The following LDLRAD4 variants were observed in gnomAD, a reference collection of about 807,000 sequenced individuals.
The protein encoded by LDLRAD4 is low density lipoprotein receptor class A domain containing 4, also known as low-density lipoprotein receptor class A domain-containing protein 4.
A neutral mutation model predicts 17.0 loss-of-function variants in LDLRAD4; 5 were observed. The ratio of observed to expected loss-of-function variants is 0.29; its 90% CI spans 0.15 to 0.62. The LOEUF is 0.62. Ranked by LOEUF, LDLRAD4 falls within the 20% of genes least tolerant of loss-of-function variation. The pLI is 0.84. For missense variants in LDLRAD4, 340 were observed against 424.7 expected, an observed-to-expected ratio of 0.80 and a Z score of 1.75; for synonymous variants, 168 against 171.8, an observed-to-expected ratio of 0.98 and a Z score of 0.17.
At chr18:13,387,787 G>C in intron 2 of LDLRAD4, 25 bp downstream of exon 3, 1 of 1,610,104 alleles carries the variant, frequency 6.2e-7, no homozygotes, top group Non-Finnish European at 8.5e-7. Flanking sequence ...GGTAATCCGA[G>C]GCTTTGCCTC....
chr18:13,497,031 CTG>C (rs2147195674), intron 3 of LDLRAD4, among the ~76,000 whole-genome samples: 1 of 152,318 alleles, frequency 6.6e-6, no homozygotes, highest in East Asian at 1.9e-4. Flanking sequence ...AGATGAATTA[CTG>C]TGTTTTAAGC....
chr18:13,279,145 C>T (rs745752256), intron 1 of LDLRAD4, among the ~76,000 whole-genome samples: 73 of 152,318 alleles, frequency 4.8e-4, no homozygotes, highest in African/African-American at 1.5e-3. Flanking sequence ...CATGCCCAAT[C>T]GATTGGCTCT....
intron 3 of LDLRAD4, among the ~76,000 whole-genome samples, chr18:13,485,713 T>G (rs2093206500): frequency 6.6e-6 from 1 of 152,188 alleles, no homozygotes; most frequent in African/African-American, 2.4e-5. Context: ...GTGATAGAAT[T>G]TATGTATCAA....
intron 1 of LDLRAD4, among the ~76,000 whole-genome samples, chr18:13,246,281 T>A (rs577587474): frequency 6.6e-6 from 1 of 152,354 alleles, no homozygotes; most frequent in South Asian, 2.1e-4. Flanking sequence ...ATGCTGAGAC[T>A]GCACTGTGCC....
At chr18:13,437,160 A>G (rs1444364283) in intron 2 of LDLRAD4, among the ~76,000 whole-genome samples, 1 of 152,202 alleles carries the variant, frequency 6.6e-6, no homozygotes, top group Admixed American at 6.5e-5. Flanking sequence ...AGGACCTTGG[A>G]CTTGATCCAG....
At chr18:13,346,549 T>A (rs902989935) in intron 1 of LDLRAD4, among the ~76,000 whole-genome samples, 4 of 152,206 alleles carry the variant, frequency 2.6e-5, no homozygotes, top group Admixed American at 2.6e-4. Context: ...AGAATGTATA[T>A]TCTGTTGATT....
chr18:13,650,192 G>T (rs1317913847), exon 6 of LDLRAD4: 6 of 400,070 alleles, frequency 1.5e-5, no homozygotes, highest in Admixed American at 4.4e-5. Flanking sequence ...TACCCGGCAC[G>T]CTGTGTCCTT....
At chr18:13,268,273 C>T (rs192814787) in intron 1 of LDLRAD4, among the ~76,000 whole-genome samples, 3 of 152,336 alleles carry the variant, frequency 2.0e-5, no homozygotes, top group South Asian at 4.1e-4. Context: ...CCTCCTCCCC[C>T]CTCGGCTTGA....
chr18:13,356,572 T>C (rs1353443640), intron 1 of LDLRAD4, among the ~76,000 whole-genome samples: 3 of 152,182 alleles, frequency 2.0e-5, no homozygotes, highest in Non-Finnish European at 4.4e-5. Context: ...TAGAATAAAA[T>C]ACAGGTACAG....
chr18:13,335,058 C>A (rs2082043017), intron 1 of LDLRAD4, among the ~76,000 whole-genome samples: 1 of 152,040 alleles, frequency 6.6e-6, no homozygotes, highest in African/African-American at 2.4e-5. Context: ...ATTATGCTTT[C>A]ATGTTTTGTC....
chr18:13,361,411 T>C (rs1170053074), intron 1 of LDLRAD4, among the ~76,000 whole-genome samples: 2 of 152,140 alleles, frequency 1.3e-5, no homozygotes, highest in African/African-American at 4.8e-5. Flanking sequence ...GGAAGAAGGG[T>C]ATATATCTTT....
intron 1 of LDLRAD4, among the ~76,000 whole-genome samples, chr18:13,296,054 G>T (rs2046254376): frequency 6.6e-6 from 1 of 152,240 alleles, no homozygotes; most frequent in African/African-American, 2.4e-5. Context: ...CAGAACCAGC[G>T]CTCTTGCCTC....
intron 1 of LDLRAD4, among the ~76,000 whole-genome samples, chr18:13,356,262 A>G (rs1463944550): frequency 2.6e-5 from 4 of 152,346 alleles, no homozygotes; most frequent in South Asian, 2.1e-4. Flanking sequence ...CATCCATCCA[A>G]TGGGAATCTC....
At chr18:13,484,825 G>A (rs144304279) in intron 3 of LDLRAD4, among the ~76,000 whole-genome samples, 122 of 152,250 alleles carry the variant, frequency 8.0e-4, no homozygotes, top group African/African-American at 2.9e-3. Context: ...TGGATATTTG[G>A]GGGTAGATTT....
At chr18:13,478,967 A>G (rs1455221627) in intron 3 of LDLRAD4, among the ~76,000 whole-genome samples, 1 of 152,254 alleles carries the variant, frequency 6.6e-6, no homozygotes. Flanking sequence ...GCAGATCCAC[A>G]TAAAAATATG....
At chr18:13,265,917 C>T (rs973055188) in intron 1 of LDLRAD4, among the ~76,000 whole-genome samples, 4 of 152,180 alleles carry the variant, frequency 2.6e-5, no homozygotes, top group African/African-American at 9.7e-5. Context: ...CTTCTCCTCC[C>T]ACCCCTGAGC....
At chr18:13,268,463 T>G (rs1385643240) in intron 1 of LDLRAD4, among the ~76,000 whole-genome samples, 1 of 152,234 alleles carries the variant, frequency 6.6e-6, no homozygotes, top group Non-Finnish European at 1.5e-5. Flanking sequence ...GCCTTCAGAC[T>G]GCCTCTGCTA....
At chr18:13,419,745 T>C (rs1429445065) in intron 2 of LDLRAD4, 1 of 152,146 alleles carries the variant, frequency 6.6e-6, no homozygotes, top group Non-Finnish European at 1.5e-5. Context: ...AGCTCTAAAA[T>C]AAGGGAATTG....
chr18:13,503,461 A>G (rs901467664), intron 3 of LDLRAD4, among the ~76,000 whole-genome samples: 1 of 81,744 alleles, frequency 1.2e-5, no homozygotes, highest in Non-Finnish European at 3.1e-5. Flanking sequence ...CTAAACGAGA[A>G]TGGAGACTTT....
Sources: allele counts gnomAD v4.1 joint callset (sites outside exome capture counted in the v4.1 genomes callset), GRCh38; gene constraint gnomAD v4.1.1; transcripts MANE v1.5; gene names NCBI Gene and HGNC (gene_info 2026-07-23, HGNC 2026-07-21).